ARNT2: variants seen among roughly 807,000 people sequenced by gnomAD.
ARNT2 encodes the protein ARNT protein 2.
In ARNT2, 36 loss-of-function variants were observed where a neutral mutation model predicts 91.7. The ratio of observed to expected loss-of-function variants is 0.39; its 90% CI spans 0.30 to 0.52. The LOEUF (loss-of-function observed/expected upper bound fraction) is 0.52, where lower values mean the gene tolerates loss of function less well. Ranked by LOEUF, ARNT2 falls within the 20% of genes least tolerant of loss-of-function variation. ARNT2 has a pLI of 0.72. For synonymous variants in ARNT2, 365 were observed against 347.1 expected, an observed-to-expected ratio of 1.05 and a Z score of -0.57; for missense variants, 775 against 939.3, an observed-to-expected ratio of 0.83 and a Z score of 2.29.
chr15:80,442,753 C>T lies in ARNT2; in HGVS notation c.32-8127C>T, dbSNP rs185445739. 4.1e-5 allele frequency: 31 copies of T among 749,022 alleles called. No individual in the cohort carries two copies. In the East Asian group the frequency reaches 3.2e-3, roughly 78 times the overall value. 46.4% of individuals were successfully genotyped at this position (749,022 alleles called of 1,614,324 possible). A position where few individuals can be genotyped will look rare whatever the true frequency, so the allele number is the denominator to read the frequency against. On this transcript the variant is annotated intron_variant, in intron 1 of 18. Coordinates refer to ENST00000303329, the MANE Select transcript of ARNT2 (RefSeq NM_014862.4). ...GCTGCGAAAGTCCTCCTGTATTGAG[C>T]ATGTGTGGCATGGTAGTTGTAAATA...
intron 8 of ARNT2, among the ~76,000 whole-genome samples, chr15:80,544,322 C>T (rs1349938714): frequency 1.3e-5 from 2 of 152,098 alleles, no homozygotes; most frequent in Non-Finnish European, 2.9e-5. Flanking sequence ...AAGTTGCTGG[C>T]TTGAAAACTC....
At position 80,585,459 on chromosome 15, in the gene ARNT2, G is replaced by A. The variant is rs75435255; in HGVS notation, c.1918+4055G>A. On this transcript the variant is annotated intron_variant, in intron 17 of 18. Coordinates refer to ENST00000303329, the MANE Select transcript of ARNT2 (RefSeq NM_014862.4). ...GAGGAATACAGGAATAATAAATGTG[G>A]GCAGCAGCTTCTACCTCTAAGGCTA... Among the ~76,000 whole-genome samples the A allele has an allele frequency of 3.1e-3, 468 of 152,294 alleles. 15 individuals are homozygous for A. The South Asian group carries it at 0.068, about 22-fold the overall frequency.
At chr15:80,489,904 G>A (rs986779015) in intron 5 of ARNT2, among the ~76,000 whole-genome samples, 1 of 152,158 alleles carries the variant, frequency 6.6e-6, no homozygotes, top group African/African-American at 2.4e-5. Context: ...CAGGGTACAG[G>A]GATCCTCCCT....
intron 1 of ARNT2, among the ~76,000 whole-genome samples, chr15:80,443,815 C>T (rs149252188): frequency 0.013 from 1,942 of 152,222 alleles, 35 homozygotes; most frequent in Middle Eastern, 0.048. Context: ...GGCCTTGTGA[C>T]GATGGCAGCT....
At chr15:80,465,245 A>T (rs1166076901) in intron 3 of ARNT2, among the ~76,000 whole-genome samples, 2 of 152,210 alleles carry the variant, frequency 1.3e-5, no homozygotes, top group East Asian at 3.9e-4. Context: ...CTGGTCTTCC[A>T]GTTCTAGTGC....
chr15:80,449,081 A>G (rs1158393570), intron 1 of ARNT2, among the ~76,000 whole-genome samples: 2 of 152,232 alleles, frequency 1.3e-5, no homozygotes, highest in African/African-American at 4.8e-5. Flanking sequence ...AGTTTCCACA[A>G]TTAGAGATAT....
intron 1 of ARNT2, among the ~76,000 whole-genome samples, chr15:80,443,293 G>T (rs186171386): frequency 6.6e-6 from 1 of 152,226 alleles, no homozygotes; most frequent in Admixed American, 6.5e-5. Flanking sequence ...GTAGGCAGTG[G>T]CCTGATCACA....
At position 80,470,185 on chromosome 15, in the gene ARNT2, T is replaced by TC. The variant is rs5814026; in HGVS notation, c.195-28dup. 6,887 of 1,587,742 alleles carry TC rather than the reference T, an allele frequency of 4.3e-3. 235 individuals are homozygous for TC. In the African/African-American group the frequency reaches 0.079, roughly 18 times the overall value. The stretch of plus-strand genomic sequence containing the variant: ...TCCCTAATCTGATACTTCTCTTTTT[T>TC]CCCCCTCTCCTGATCTCGTGCTTTC... On this transcript the variant is annotated intron_variant, in intron 3 of 18. Coordinates refer to ENST00000303329, the MANE Select transcript of ARNT2 (RefSeq NM_014862.4).
At chr15:80,574,896 C>T (rs1253952372) in intron 13 of ARNT2, 91 bp from the exon 14 acceptor site, 1 of 1,446,274 alleles carries the variant, frequency 6.9e-7, no homozygotes, top group Non-Finnish European at 9.4e-7. Flanking sequence ...AGGGAGGGGG[C>T]TCTGATGAAG....
At chr15:80,444,411 A>C (rs916103093) in intron 1 of ARNT2, 1 of 136,098 alleles carries the variant, frequency 7.3e-6, no homozygotes, top group African/African-American at 2.9e-5. Context: ...TGGTATGTGT[A>C]TGAGTAGTGT....
intron 1 of ARNT2, among the ~76,000 whole-genome samples, chr15:80,431,134 C>G (rs1268837782): frequency 1.3e-5 from 2 of 152,130 alleles, no homozygotes; most frequent in Non-Finnish European, 2.9e-5. Flanking sequence ...CACCCCATTC[C>G]CTCAAAATAA....
chr15:80,545,192 G>A (rs892404358), intron 8 of ARNT2, among the ~76,000 whole-genome samples: 1 of 152,172 alleles, frequency 6.6e-6, no homozygotes, highest in African/African-American at 2.4e-5. Context: ...ATTGCTTTGG[G>A]GCTCCTACTG....
intron 2 of ARNT2, 50 bp from the exon 3 acceptor site, chr15:80,457,879 T>G: frequency 6.2e-7 from 1 of 1,600,714 alleles, no homozygotes; most frequent in Non-Finnish European, 8.5e-7. Flanking sequence ...TGTTACCAGT[T>G]AAAATGTTCT....
intron 2 of ARNT2, among the ~76,000 whole-genome samples, chr15:80,457,467 G>A (rs1896497181): frequency 6.6e-6 from 1 of 152,174 alleles, no homozygotes; most frequent in East Asian, 1.9e-4. Flanking sequence ...GAAAACTTCT[G>A]TTTTCAAAAT....
intron 3 of ARNT2, among the ~76,000 whole-genome samples, chr15:80,468,972 GA>G (rs1353031395): frequency 2.0e-5 from 3 of 152,228 alleles, no homozygotes; most frequent in Non-Finnish European, 4.4e-5. Context: ...CCCAATCTGG[GA>G]GGATGGGCTG....
chr15:80,413,690 C>G (rs1262124918), intron 1 of ARNT2, among the ~76,000 whole-genome samples: 1 of 152,218 alleles, frequency 6.6e-6, no homozygotes, highest in Non-Finnish European at 1.5e-5. Context: ...TGGGAAGATT[C>G]AGGGGTGCAA....
intron 8 of ARNT2, among the ~76,000 whole-genome samples, chr15:80,538,425 C>G (rs1897856394): frequency 6.6e-6 from 1 of 152,020 alleles, no homozygotes; most frequent in African/African-American, 2.4e-5. Flanking sequence ...TGCAATAAAT[C>G]TAAAAATTCA....
Position 80,597,390 on chromosome 15 carries a change from G to A in ARNT2, c.*3692G>A, listed in dbSNP as rs1049384229. 1 of 462,956 alleles carries A rather than the reference G, an allele frequency of 2.2e-6. No individual in the cohort carries two copies. Among genetic ancestry groups the A allele is most frequent in the Non-Finnish European group, 4.3e-6 (1 of 230,890 alleles). The allele number at this position is 462,956 out of a possible 1,614,324, so 28.7% of individuals were successfully genotyped here. On this transcript the variant is annotated 3_prime_UTR_variant, in exon 19 of 19. Transcript: ENST00000303329. ...TTATATTACCAGAAAATATGGGCTT[G>A]GCCTAAGTCGCTGTCTCCTAACCTG...
intron 1 of ARNT2, among the ~76,000 whole-genome samples, chr15:80,437,195 A>G (rs1896100690): frequency 6.6e-6 from 1 of 152,102 alleles, no homozygotes; most frequent in African/African-American, 2.4e-5. Flanking sequence ...TCTAGCATCA[A>G]GAAGTCACGA....
Sources: allele counts gnomAD v4.1 joint callset (sites outside exome capture counted in the v4.1 genomes callset), GRCh38; gene constraint gnomAD v4.1.1; transcripts MANE v1.5; gene names NCBI Gene and HGNC (gene_info 2026-07-23, HGNC 2026-07-21).